Variants in TRPC5 observed in about 807,000 individuals in gnomAD.
TRPC5 encodes the protein short transient receptor potential channel 5.
Under a neutral mutation model 56.5 loss-of-function variants are expected in TRPC5, and 9 were observed. That is an observed-to-expected ratio of 0.16 (90% CI 0.10 to 0.28). TRPC5 has a LOEUF of 0.28. Among genes scored for constraint, TRPC5 ranks in the 10% least tolerant of loss-of-function variants. The pLI is 1.00. For missense variants in TRPC5, 469 were observed against 748.9 expected, an observed-to-expected ratio of 0.63 and a Z score of 4.36; for synonymous variants, 282 against 278.5, an observed-to-expected ratio of 1.01 and a Z score of -0.13.
intron 2 of TRPC5, among the ~76,000 whole-genome samples, chrX:111,915,059 C>G (rs1925933401): frequency 1.1e-5 from 1 of 88,566 alleles, no homozygotes; most frequent in Admixed American, 1.1e-4. Flanking sequence ...TCCTCGCTCT[C>G]TTTCTCTCTC....
chrX:112,066,903 C>T (rs910098802), intron 1 of TRPC5, among the ~76,000 whole-genome samples: 6 of 112,242 alleles, frequency 5.3e-5, no homozygotes, highest in African/African-American at 1.9e-4. Context: ...CTTTCTGTCA[C>T]TTTCAGTTCA....
chrX:112,015,174 G>A (rs1057103088), intron 1 of TRPC5, among the ~76,000 whole-genome samples: 2 of 110,492 alleles, frequency 1.8e-5, no homozygotes, highest in Non-Finnish European at 3.8e-5. Context: ...TGAATAGCTG[G>A]GATTACAGGT....
At chrX:111,947,846 G>C (rs111948492) in intron 2 of TRPC5, among the ~76,000 whole-genome samples, 1 of 111,901 alleles carries the variant, frequency 8.9e-6, no homozygotes, top group South Asian at 3.7e-4. Flanking sequence ...AGAAAGTCCT[G>C]CTCTCTTAGT....
intron 3 of TRPC5, chrX:111,901,995 C>T (rs1380434512): frequency 3.5e-6 from 4 of 1,153,913 alleles, no homozygotes; most frequent in Non-Finnish European, 4.6e-6. Context: ...GCAGAAGAGA[C>T]TGAAGCAGAT....
intron 3 of TRPC5, among the ~76,000 whole-genome samples, chrX:111,910,573 C>T (rs62612028): frequency 0.12 from 13,565 of 112,104 alleles, 1,101 homozygotes; most frequent in African/African-American, 0.29. Context: ...ACTCTATCGC[C>T]CAGGCTGGAG....
intron 2 of TRPC5, among the ~76,000 whole-genome samples, chrX:111,923,176 A>T (rs1452636745): frequency 8.9e-6 from 1 of 111,903 alleles, no homozygotes; most frequent in Non-Finnish European, 1.9e-5. Context: ...CAACAATTTG[A>T]TTTATTATAT....
chrX:111,851,477 G>A (rs1279828811), intron 5 of TRPC5, among the ~76,000 whole-genome samples: 2 of 109,259 alleles, frequency 1.8e-5, no homozygotes, highest in Admixed American at 9.9e-5. Flanking sequence ...AGGATAATTC[G>A]AGCTGAATGT....
chrX:112,024,887 G>A (rs2147714159), intron 1 of TRPC5, among the ~76,000 whole-genome samples: 1 of 112,072 alleles, frequency 8.9e-6, no homozygotes, highest in South Asian at 3.7e-4. Flanking sequence ...ATTTAATAAA[G>A]AGAGAAATTA....
chrX:111,968,135 C>CA lies in TRPC5; in HGVS notation c.-21-15695dup, dbSNP rs771684534. Among the ~76,000 whole-genome samples, 645 of 110,928 alleles carry CA rather than the reference C, an allele frequency of 5.8e-3. 6 individuals carry two copies. The highest frequency in any genetic ancestry group is 0.02 in the African/African-American group (599 of 30,478). On this transcript the variant is annotated intron_variant, in intron 1 of 10. Coordinates refer to ENST00000262839, the MANE Select transcript of TRPC5 (RefSeq NM_012471.3). ...CTCAAACAAATTTACAAGAAAAAAA[C>CA]AAAAAAACCCCATCAAAAAGTGGGC...
At chrX:112,046,780 T>C (rs998185432) in intron 1 of TRPC5, among the ~76,000 whole-genome samples, 3 of 111,287 alleles carry the variant, frequency 2.7e-5, no homozygotes, top group African/African-American at 9.8e-5. Flanking sequence ...TGTAGGACCT[T>C]GGCATTTCTC....
intron 7 of TRPC5, among the ~76,000 whole-genome samples, chrX:111,829,301 C>CAAAAAAAAAAAAAAAAAAAAAAAAAAAA (rs34464345): frequency 4.5e-5 from 1 of 22,364 alleles, no homozygotes; most frequent in African/African-American, 1.1e-4. Flanking sequence ...GACTCTGTCT[C>CAAAAAAAAAAAAAAAAAAAAAAAAAAAA]AAAAAAAAAA....
intron 1 of TRPC5, among the ~76,000 whole-genome samples, chrX:111,987,215 A>T (rs1309482252): frequency 9.0e-6 from 1 of 111,728 alleles, no homozygotes; most frequent in Non-Finnish European, 1.9e-5. Context: ...TTAGATTAAG[A>T]CTTTTTTATT....
At chrX:111,854,194 C>A in intron 3 of TRPC5, 88 bp from the exon 4 acceptor site, 2 of 1,004,269 alleles carry the variant, frequency 2.0e-6, no homozygotes, top group Non-Finnish European at 2.7e-6. Flanking sequence ...ACAGTCAGCT[C>A]TGGCAAGGAG....
At chrX:111,958,972 A>T (rs1383222444) in intron 1 of TRPC5, among the ~76,000 whole-genome samples, 2 of 112,540 alleles carry the variant, frequency 1.8e-5, no homozygotes, top group Non-Finnish European at 3.8e-5. Context: ...GATTCTTCTA[A>T]AATGAAGGCA....
chrX:111,925,534 G>T (rs1376703141), intron 2 of TRPC5, among the ~76,000 whole-genome samples: 2 of 111,811 alleles, frequency 1.8e-5, no homozygotes, highest in Non-Finnish European at 3.8e-5. Context: ...ATGGTCTGTT[G>T]CTTATAGTAA....
intron 7 of TRPC5, among the ~76,000 whole-genome samples, chrX:111,809,655 G>A (rs1016763273): frequency 2.7e-5 from 3 of 111,161 alleles, no homozygotes; most frequent in Non-Finnish European, 5.7e-5. Flanking sequence ...TTTGTTATTT[G>A]TTTTTTATGA....
chrX:112,017,104 C>G (rs1929147829), intron 1 of TRPC5, among the ~76,000 whole-genome samples: 1 of 111,598 alleles, frequency 9.0e-6, no homozygotes, highest in Non-Finnish European at 1.9e-5. Context: ...ACCTCTGCCT[C>G]CCGGGTTCAA....
At chrX:111,780,596 G>A (rs893933016) in intron 9 of TRPC5, among the ~76,000 whole-genome samples, 3 of 110,986 alleles carry the variant, frequency 2.7e-5, no homozygotes, top group African/African-American at 9.8e-5. Flanking sequence ...TGCAGAACCT[G>A]CAGATACAAA....
chrX:111,873,299 C>T (rs1010914943), intron 3 of TRPC5, among the ~76,000 whole-genome samples: 3 of 111,253 alleles, frequency 2.7e-5, no homozygotes, highest in African/African-American at 9.8e-5. Context: ...AGCTAAACAT[C>T]GAATACACAT....
Sources: allele counts gnomAD v4.1 joint callset (sites outside exome capture counted in the v4.1 genomes callset), GRCh38; gene constraint gnomAD v4.1.1; transcripts MANE v1.5; gene names NCBI Gene and HGNC (gene_info 2026-07-23, HGNC 2026-07-21).